The following WDR36 variants were observed in gnomAD, a reference collection of about 807,000 sequenced individuals.
WDR36 encodes the protein WD repeat-containing protein 36.
In WDR36, 63 loss-of-function variants were observed where a neutral mutation model predicts 112.7. That is an observed-to-expected ratio of 0.56 (90% confidence interval 0.46 to 0.69). The LOEUF is 0.69. Ranked by LOEUF, WDR36 falls within the 30% of genes least tolerant of loss-of-function variation. The probability of loss-of-function intolerance (pLI) is 0.00; values close to 1 mark genes in which losing one functional copy is unlikely to be tolerated. For missense variants in WDR36, 1,226 were observed against 1,070.3 expected (o/e 1.15, Z -2.03); for synonymous variants, 410 against 362.2 (o/e 1.13, Z -1.50).
chr5:111,095,142 T>C, intron 2 of WDR36, 195 bp downstream of exon 2: 1 of 577,406 alleles, frequency 1.7e-6, no homozygotes, highest in Non-Finnish European at 3.1e-6. Context: ...TTATTTTCTT[T>C]AATCTGGAAC....
At chr5:111,109,111 A>G (rs76731489) in intron 12 of WDR36, among the ~76,000 whole-genome samples, 6,119 of 151,404 alleles carry the variant, frequency 0.04, 242 homozygotes, top group African/African-American at 0.096. Flanking sequence ...CAGGCCGACT[A>G]AAAACAATAA....
At chr5:111,098,350 T>A (rs1753037760) in intron 3 of WDR36, among the ~76,000 whole-genome samples, 1 of 152,190 alleles carries the variant, frequency 6.6e-6, no homozygotes, top group South Asian at 2.1e-4. Flanking sequence ...GATGGAGTCT[T>A]TAGAGATCAG....
chr5:111,106,678 C>T (rs943460093), intron 11 of WDR36, among the ~76,000 whole-genome samples: 1 of 151,370 alleles, frequency 6.6e-6, no homozygotes, highest in Non-Finnish European at 1.5e-5. Flanking sequence ...GAGCTTGAGT[C>T]ATGTTTCTAA....
chr5:111,093,109 C>G (rs1752902415), intron 1 of WDR36, among the ~76,000 whole-genome samples: 1 of 152,214 alleles, frequency 6.6e-6, no homozygotes, highest in Non-Finnish European at 1.5e-5. Context: ...TCAACTAACG[C>G]AAAGTGTCTG....
intron 19 of WDR36, 99 bp downstream of exon 19, chr5:111,121,240 G>A: frequency 1.5e-6 from 2 of 1,306,708 alleles, no homozygotes. Context: ...GGCATTAGAA[G>A]AGCAATTAAT....
In WDR36 at chr5:111,127,268, T is replaced by G; in HGVS notation, c.*385T>G. The G allele has an allele frequency of 4.6e-6, 1 of 216,426 alleles. No individual in the cohort carries two copies. The highest frequency in any genetic ancestry group is 9.3e-6 in the Non-Finnish European group (1 of 107,780). The allele number at this position is 216,426 out of a possible 1,614,324, so 13.4% of individuals were successfully genotyped here. ...ATTTATTTTCTGAGTCTCTTCACAT[T>G]AACTTTTATATGATTTTTAAAAAAT... On this transcript the variant is annotated 3_prime_UTR_variant, in exon 23 of 23. Transcript: ENST00000513710.
chr5:111,101,861 A>G (rs765667309), intron 5 of WDR36, among the ~76,000 whole-genome samples: 4 of 151,818 alleles, frequency 2.6e-5, no homozygotes, highest in African/African-American at 4.8e-5. Flanking sequence ...TTTTAATGAT[A>G]ATTATAATGA....
At chr5:111,104,848 T>A in intron 9 of WDR36, 31 bp downstream of exon 9, 1 of 1,609,616 alleles carries the variant, frequency 6.2e-7, no homozygotes, top group South Asian at 1.1e-5. Context: ...ATTAGTTTAT[T>A]TCAGCAAGTA....
chr5:111,100,647 T>C lies in WDR36; in HGVS notation c.468T>C (p.His156=), dbSNP rs145835374. Residue 156 remains histidine (H), a synonymous_variant, in exon 5 of 23, where the codon CAT becomes CAC. Coordinates refer to ENST00000513710, the MANE Select transcript of WDR36 (RefSeq NM_139281.3). ...TATTTAAAATTTCTGCAATTTTGCA[T>C]CCAAGTACCTACTTGAATAAAATAC... ...KSVFKISAIL[H]PSTYLNKILL... The C allele has an allele frequency of 0.013, 20,375 of 1,607,024 alleles. 188 individuals are homozygous for C. The highest frequency in any genetic ancestry group is 0.015 in the Non-Finnish European group (17,760 of 1,175,708).
At chr5:111,122,986 G>A (rs1206807844) in intron 19 of WDR36, among the ~76,000 whole-genome samples, 2 of 152,096 alleles carry the variant, frequency 1.3e-5, no homozygotes, top group Admixed American at 1.3e-4. Flanking sequence ...GTACGTGCCT[G>A]TAATCCCGGC....
chr5:111,103,995 T>G, intron 7 of WDR36, 77 bp downstream of exon 7: 1 of 1,559,396 alleles, frequency 6.4e-7, no homozygotes, highest in Non-Finnish European at 8.7e-7. Context: ...TTTTTTTGTC[T>G]TCTGGTAGCT....
chr5:111,110,757 T>A (rs1396525407), intron 13 of WDR36, 31 bp from the exon 14 acceptor site: 8 of 1,479,546 alleles, frequency 5.4e-6, no homozygotes, highest in Non-Finnish European at 7.3e-6. Flanking sequence ...CCAATTCTGA[T>A]TTTTTTTTTC....
chr5:111,112,575 C>G (rs115027873), intron 15 of WDR36, among the ~76,000 whole-genome samples: 1,966 of 152,006 alleles, frequency 0.013, 11 homozygotes, highest in Middle Eastern at 0.058. Flanking sequence ...GCAGAGAGAT[C>G]TATTATTTAT....
intron 1 of WDR36, 129 bp from the exon 2 acceptor site, chr5:111,094,789 TCA>T (rs1752941792): frequency 1.4e-6 from 1 of 725,000 alleles, no homozygotes; most frequent in Non-Finnish European, 2.3e-6. Context: ...AAAATTAGTG[TCA>T]GTAAGTGTCT....
intron 16 of WDR36, among the ~76,000 whole-genome samples, chr5:111,116,811 T>A (rs984305547): frequency 2.0e-5 from 3 of 152,192 alleles, no homozygotes; most frequent in Admixed American, 6.5e-5. Flanking sequence ...AGTTACACAA[T>A]GAAGTTGACA....
intron 11 of WDR36, 31 bp from the exon 12 acceptor site, chr5:111,107,263 A>C: frequency 6.3e-7 from 1 of 1,599,722 alleles, no homozygotes. Context: ...AATGAAAAGT[A>C]ATTTGATTTA....
chr5:111,127,621 T>C lies in WDR36; in HGVS notation c.*738T>C, dbSNP rs1006242736. 2 of 209,630 alleles carry C rather than the reference T, an allele frequency of 9.5e-6. No individual in the cohort carries two copies. Among genetic ancestry groups the C allele is most frequent in the Non-Finnish European group, 1.9e-5 (2 of 103,022 alleles). 13.0% of individuals were successfully genotyped at this position (209,630 alleles called of 1,614,324 possible). ...TAACAGTGGCCTAGTGCTTTCTCCATTGTAATGTACTGAAAGGAAGTTGTT... is the reference window on the plus strand; with the variant it reads ...TAACAGTGGCCTAGTGCTTTCTCCACTGTAATGTACTGAAAGGAAGTTGTT... On this transcript the variant is annotated 3_prime_UTR_variant, in exon 23 of 23. Transcript: ENST00000513710.
rs1344795203 is a variant in WDR36 at position 111,120,984 on chromosome 5, A to C, written c.2003-12A>C. On this transcript the variant is annotated splice_polypyrimidine_tract_variant and intron_variant, in intron 18 of 22. Transcript: ENST00000513710. ...TAAAAATCTTTTGTTTTACCTGAAAAATTTTTTTAAGATGTAGAAGTATCA... is the reference window on the plus strand; with the variant it reads ...TAAAAATCTTTTGTTTTACCTGAAACATTTTTTTAAGATGTAGAAGTATCA... The C allele has an allele frequency of 6.2e-7, 1 of 1,609,728 alleles. No homozygotes were observed. Among genetic ancestry groups the C allele is most frequent in the Non-Finnish European group, 8.5e-7 (1 of 1,177,072 alleles).
At chr5:111,106,872 T>TC (rs1275696838) in intron 11 of WDR36, among the ~76,000 whole-genome samples, 1 of 151,390 alleles carries the variant, frequency 6.6e-6, no homozygotes, top group Non-Finnish European at 1.5e-5. Context: ...TCCGTTTTGT[T>TC]CATTTTTTTC....
Sources: gnomAD v4.1 joint callset for allele counts (sites outside exome capture counted in the v4.1 genomes callset) on GRCh38, gnomAD v4.1.1 for gene constraint, MANE v1.5 for transcripts, NCBI Gene and HGNC (gene_info 2026-07-23, HGNC 2026-07-21) for gene names.